The following CCDC91 variants were observed in gnomAD, a reference collection of about 807,000 sequenced individuals.
The protein encoded by CCDC91 is coiled-coil domain-containing protein 91.
Under a neutral mutation model 63.2 loss-of-function variants are expected in CCDC91, and 48 were observed. That is an observed-to-expected ratio of 0.76 (90% CI 0.60 to 0.97). The LOEUF is 0.97. Ranked by LOEUF, CCDC91 falls within the 50% of genes least tolerant of loss-of-function variation. CCDC91 has a pLI of 0.00. For synonymous variants in CCDC91, 167 were observed against 165.8 expected, an observed-to-expected ratio of 1.01 and a Z score of -0.06; for missense variants, 500 against 494.6, an observed-to-expected ratio of 1.01 and a Z score of -0.10.
intron 6 of CCDC91, among the ~76,000 whole-genome samples, chr12:28,354,409 C>T (rs1943389097): frequency 6.6e-6 from 1 of 152,134 alleles, no homozygotes; most frequent in African/African-American, 2.4e-5. Context: ...AGGATAATCT[C>T]ATCTTATGAT....
intron 12 of CCDC91, among the ~76,000 whole-genome samples, chr12:28,546,457 G>T (rs2141874049): frequency 6.6e-6 from 1 of 150,840 alleles, no homozygotes; most frequent in East Asian, 2.0e-4. Context: ...AATTGTTCAA[G>T]GGAACAGGAT....
At chr12:28,452,768 C>T (rs1949874294) in intron 11 of CCDC91, 114 bp downstream of exon 11, 1 of 418,544 alleles carries the variant, frequency 2.4e-6, no homozygotes, top group East Asian at 3.8e-5. Context: ...ATATTTATGA[C>T]TTTTTAATTT....
chr12:28,280,530 G>C (rs913677016), intron 3 of CCDC91, among the ~76,000 whole-genome samples: 1 of 151,986 alleles, frequency 6.6e-6, no homozygotes, highest in African/African-American at 2.4e-5. Context: ...ATATAATATA[G>C]AATTCTTTTT....
chr12:28,353,353 T>C (rs1191727782), intron 6 of CCDC91, among the ~76,000 whole-genome samples: 2 of 152,216 alleles, frequency 1.3e-5, no homozygotes, highest in African/African-American at 4.8e-5. Context: ...GTGTCTTCAC[T>C]GGAGTAGCAC....
At chr12:28,212,481 A>G (rs1290915397) in intron 1 of CCDC91, among the ~76,000 whole-genome samples, 1 of 152,204 alleles carries the variant, frequency 6.6e-6, no homozygotes, top group Non-Finnish European at 1.5e-5. Context: ...AAATATGGCC[A>G]CTGGGATTGG....
intron 6 of CCDC91, among the ~76,000 whole-genome samples, chr12:28,360,287 T>C (rs1212546821): frequency 1.3e-5 from 2 of 152,206 alleles, no homozygotes; most frequent in African/African-American, 4.8e-5. Flanking sequence ...ATAAGGGGAA[T>C]TGATGAAAAA....
chr12:28,421,673 A>C (rs1308997327), intron 8 of CCDC91, among the ~76,000 whole-genome samples: 1 of 151,920 alleles, frequency 6.6e-6, no homozygotes, highest in Non-Finnish European at 1.5e-5. Context: ...TGATTCCAAC[A>C]GTTTCCTGAA....
intron 1 of CCDC91, among the ~76,000 whole-genome samples, chr12:28,221,752 G>T (rs1943968448): frequency 6.6e-6 from 1 of 152,154 alleles, no homozygotes; most frequent in African/African-American, 2.4e-5. Flanking sequence ...CAGATAATCT[G>T]TTCACTCACT....
At chr12:28,348,443 A>G (rs1292277369) in intron 6 of CCDC91, among the ~76,000 whole-genome samples, 1 of 152,228 alleles carries the variant, frequency 6.6e-6, no homozygotes, top group Non-Finnish European at 1.5e-5. Context: ...CCAAGGCAGC[A>G]CACAGGGATA....
intron 11 of CCDC91, among the ~76,000 whole-genome samples, chr12:28,460,594 CT>C (rs1566009427): frequency 6.6e-6 from 1 of 151,916 alleles, no homozygotes; most frequent in African/African-American, 2.4e-5. Context: ...GGTGAAAAAG[CT>C]TAGAAACCAT....
At chr12:28,425,820 A>G (rs1948283875) in intron 8 of CCDC91, among the ~76,000 whole-genome samples, 1 of 152,088 alleles carries the variant, frequency 6.6e-6, no homozygotes, top group African/African-American at 2.4e-5. Context: ...ACTTCCCCAG[A>G]CCTACTGTAT....
At chr12:28,456,636 C>T (rs1460055421) in intron 11 of CCDC91, among the ~76,000 whole-genome samples, 2 of 152,082 alleles carry the variant, frequency 1.3e-5, no homozygotes, top group Non-Finnish European at 2.9e-5. Flanking sequence ...CTTAATAGAG[C>T]TGATTTTTAA....
chr12:28,363,117 A>G (rs1027664438), intron 7 of CCDC91, among the ~76,000 whole-genome samples: 4 of 152,146 alleles, frequency 2.6e-5, no homozygotes, highest in African/African-American at 4.8e-5. Context: ...GTAATTAAGG[A>G]TGAATATGTT....
At chr12:28,328,146 G>A (rs1405283149) in intron 6 of CCDC91, among the ~76,000 whole-genome samples, 1 of 152,138 alleles carries the variant, frequency 6.6e-6, no homozygotes, top group Non-Finnish European at 1.5e-5. Flanking sequence ...GGAAAAATGA[G>A]TCTTAGACAT....
intron 8 of CCDC91, among the ~76,000 whole-genome samples, chr12:28,431,987 C>A (rs529756769): frequency 1.8e-4 from 27 of 152,074 alleles, no homozygotes; most frequent in South Asian, 1.0e-3. Context: ...ATACAATATG[C>A]TGCAACTTTT....
intron 6 of CCDC91, among the ~76,000 whole-genome samples, chr12:28,334,362 G>C (rs993224253): frequency 1.3e-5 from 2 of 152,086 alleles, no homozygotes; most frequent in Non-Finnish European, 2.9e-5. Flanking sequence ...AAATATTTAA[G>C]CACCTAATAT....
intron 6 of CCDC91, among the ~76,000 whole-genome samples, chr12:28,341,443 T>G (rs139431647): frequency 6.6e-6 from 1 of 152,308 alleles, no homozygotes; most frequent in East Asian, 1.9e-4. Flanking sequence ...TGTTCCACAT[T>G]TAAGGACTTT....
At chr12:28,339,116 C>A (rs1942231622) in intron 6 of CCDC91, among the ~76,000 whole-genome samples, 1 of 152,200 alleles carries the variant, frequency 6.6e-6, no homozygotes, top group Non-Finnish European at 1.5e-5. Flanking sequence ...GCTGGGATTA[C>A]AGGCATGAGC....
intron 1 of CCDC91, among the ~76,000 whole-genome samples, chr12:28,193,569 C>G (rs532366299): frequency 1.3e-5 from 2 of 151,542 alleles, no homozygotes; most frequent in East Asian, 3.9e-4. Flanking sequence ...CCACTGCACT[C>G]CAGACTGGTG....
Sources: allele counts gnomAD v4.1 joint callset (sites outside exome capture counted in the v4.1 genomes callset), GRCh38; gene constraint gnomAD v4.1.1; transcripts MANE v1.5; gene names NCBI Gene and HGNC (gene_info 2026-07-23, HGNC 2026-07-21).